RBMS3: variants seen among roughly 807,000 people sequenced by gnomAD.
RBMS3 encodes the protein RNA-binding motif, single-stranded-interacting protein 3.
In RBMS3, 27 loss-of-function variants were observed where a neutral mutation model predicts 66.8. That is an observed-to-expected ratio of 0.40 (90% CI 0.30 to 0.56). The LOEUF (loss-of-function observed/expected upper bound fraction) is 0.56. Ranked by LOEUF, RBMS3 falls within the 20% of genes least tolerant of loss-of-function variation. The probability of loss-of-function intolerance (pLI) is 0.40; values close to 1 mark genes in which losing one functional copy is unlikely to be tolerated. For synonymous variants in RBMS3, 188 were observed against 183.0 expected (o/e 1.03, Z -0.22); for missense variants, 513 against 549.5 (o/e 0.93, Z 0.66).
At chr3:29,527,510 A>G (rs761814261) in intron 3 of RBMS3, among the ~76,000 whole-genome samples, 3 of 152,206 alleles carry the variant, frequency 2.0e-5, no homozygotes, top group Admixed American at 6.5e-5. Context: ...TGTATGAGGC[A>G]TATCTTAATT....
intron 1 of RBMS3, among the ~76,000 whole-genome samples, chr3:29,380,159 G>C (rs534584433): frequency 6.6e-6 from 1 of 151,548 alleles, no homozygotes; most frequent in African/African-American, 2.4e-5. Flanking sequence ...TTTCAGCCAG[G>C]TTAAAGAATA....
intron 7 of RBMS3, among the ~76,000 whole-genome samples, chr3:29,874,313 T>G (rs768522942): frequency 6.6e-6 from 1 of 152,180 alleles, no homozygotes; most frequent in Non-Finnish European, 1.5e-5. Context: ...GCACAATTCC[T>G]AGAAAATAGT....
intron 3 of RBMS3, among the ~76,000 whole-genome samples, chr3:29,541,127 A>G (rs1448879878): frequency 2.0e-5 from 3 of 152,192 alleles, no homozygotes; most frequent in Non-Finnish European, 2.9e-5. Context: ...GGGTAGGCCT[A>G]AATTTTATAC....
At chr3:29,525,247 G>T (rs571994355) in intron 3 of RBMS3, among the ~76,000 whole-genome samples, 1 of 152,066 alleles carries the variant, frequency 6.6e-6, no homozygotes, top group East Asian at 1.9e-4. Flanking sequence ...GCATATGATT[G>T]TGTTATTAGG....
intron 12 of RBMS3, among the ~76,000 whole-genome samples, chr3:29,962,384 A>G (rs1248778338): frequency 2.6e-5 from 4 of 151,918 alleles, no homozygotes. Context: ...AACCAGCATG[A>G]TAGCTCATTC....
chr3:29,636,025 G>A (rs2149185662), intron 4 of RBMS3, among the ~76,000 whole-genome samples: 1 of 143,394 alleles, frequency 7.0e-6, no homozygotes, highest in Non-Finnish European at 1.5e-5. Flanking sequence ...AGGGTCTGAT[G>A]CTGTCATCAA....
chr3:29,815,837 G>A (rs2057874010), intron 6 of RBMS3, among the ~76,000 whole-genome samples: 1 of 152,014 alleles, frequency 6.6e-6, no homozygotes, highest in South Asian at 2.1e-4. Context: ...TGGGTATAGT[G>A]TACACTGCTT....
chr3:29,907,025 T>G (rs1445803439), intron 10 of RBMS3, among the ~76,000 whole-genome samples: 2 of 152,162 alleles, frequency 1.3e-5, no homozygotes, highest in Non-Finnish European at 2.9e-5. Flanking sequence ...TTTACACTGG[T>G]TTACCCAATC....
At chr3:29,378,842 CAA>C (rs1423026658) in intron 1 of RBMS3, among the ~76,000 whole-genome samples, 1 of 142,246 alleles carries the variant, frequency 7.0e-6, no homozygotes, top group Non-Finnish European at 1.5e-5. Flanking sequence ...AAAATTAAAA[CAA>C]AAAAATATAT....
chr3:29,693,830 A>G (rs1315340152), intron 4 of RBMS3, among the ~76,000 whole-genome samples: 1 of 152,150 alleles, frequency 6.6e-6, no homozygotes, highest in East Asian at 1.9e-4. Context: ...TGAATTCTCT[A>G]TCTTTTCTGT....
At chr3:29,517,325 T>TG (rs2044679227) in intron 3 of RBMS3, among the ~76,000 whole-genome samples, 4 of 117,808 alleles carry the variant, frequency 3.4e-5, no homozygotes, top group Non-Finnish European at 5.1e-5. Flanking sequence ...ATATATTTTT[T>TG]TTTTGTTTTT....
chr3:29,779,013 A>G (rs2056524910), intron 6 of RBMS3, among the ~76,000 whole-genome samples: 2 of 151,804 alleles, frequency 1.3e-5, no homozygotes, highest in African/African-American at 4.8e-5. Flanking sequence ...AATATCCTGT[A>G]TTGGGTTAAA....
chr3:29,886,304 T>C (rs1238227772), intron 8 of RBMS3, among the ~76,000 whole-genome samples: 1 of 151,894 alleles, frequency 6.6e-6, no homozygotes, highest in African/African-American at 2.4e-5. Flanking sequence ...TTATTTATTA[T>C]ATTCTTTTGG....
chr3:29,820,313 A>C (rs757032064), intron 6 of RBMS3, among the ~76,000 whole-genome samples: 2 of 149,116 alleles, frequency 1.3e-5, no homozygotes, highest in African/African-American at 2.5e-5. Flanking sequence ...CAAAAAATAG[A>C]CTTTATTTTT....
At chr3:29,674,102 T>C (rs529907898) in intron 4 of RBMS3, among the ~76,000 whole-genome samples, 19 of 152,160 alleles carry the variant, frequency 1.2e-4, no homozygotes, top group African/African-American at 4.6e-4. Context: ...GTTCAACATA[T>C]GCAAATCAGT....
chr3:29,900,958 G>T (rs1166504991), intron 10 of RBMS3, among the ~76,000 whole-genome samples: 1 of 151,608 alleles, frequency 6.6e-6, no homozygotes, highest in Non-Finnish European at 1.5e-5. Context: ...ATCTGAGCAG[G>T]GTCCATTTTA....
chr3:29,886,941 A>G (rs2059886049), intron 8 of RBMS3, among the ~76,000 whole-genome samples: 1 of 151,830 alleles, frequency 6.6e-6, no homozygotes, highest in African/African-American at 2.4e-5. Flanking sequence ...AAAGAATCCT[A>G]CATTCAGGGT....
At chr3:29,358,483 G>T (rs1393974610) in intron 1 of RBMS3, among the ~76,000 whole-genome samples, 1 of 152,144 alleles carries the variant, frequency 6.6e-6, no homozygotes, top group Non-Finnish European at 1.5e-5. Flanking sequence ...GTAGTGTGAT[G>T]CCTCCAGCTT....
chr3:29,575,804 T>C (rs927389604), intron 3 of RBMS3, among the ~76,000 whole-genome samples: 1 of 152,106 alleles, frequency 6.6e-6, no homozygotes, highest in African/African-American at 2.4e-5. Context: ...CATTCTTCAG[T>C]ATGTCATTTG....
Sources: gnomAD v4.1 joint callset for allele counts (sites outside exome capture counted in the v4.1 genomes callset) on GRCh38, gnomAD v4.1.1 for gene constraint, MANE v1.5 for transcripts, NCBI Gene and HGNC (gene_info 2026-07-23, HGNC 2026-07-21) for gene names.